Variants in PNPLA1 observed in about 807,000 individuals in gnomAD.
The protein encoded by PNPLA1 is patatin like domain 1, omega-hydroxyceramide transacylase.
A neutral mutation model predicts 51.7 loss-of-function variants in PNPLA1; 36 were observed. The ratio of observed to expected loss-of-function variants is 0.70; its 90% CI spans 0.53 to 0.92. The LOEUF (loss-of-function observed/expected upper bound fraction) is 0.92, where lower values mean the gene tolerates loss of function less well. PNPLA1 is among the 40% of genes least tolerant of loss of function. PNPLA1 has a pLI of 0.00. For synonymous variants in PNPLA1, 293 were observed against 280.1 expected (o/e 1.05, Z -0.46); for missense variants, 658 against 682.5 (o/e 0.96, Z 0.40).
At chr6:36,247,355 T>C (rs1179666676) in intron 1 of PNPLA1, among the ~76,000 whole-genome samples, 1 of 152,204 alleles carries the variant, frequency 6.6e-6, no homozygotes, top group East Asian at 1.9e-4. Context: ...TGTACTTGCT[T>C]GGCAAAACCC....
At chr6:36,262,670 C>A (rs1225923239) in intron 1 of PNPLA1, among the ~76,000 whole-genome samples, 1 of 152,192 alleles carries the variant, frequency 6.6e-6, no homozygotes, top group Non-Finnish European at 1.5e-5. Context: ...CTTCCTCTAC[C>A]TTTTAGACAT....
intron 1 of PNPLA1, among the ~76,000 whole-genome samples, chr6:36,262,819 A>G (rs1769681370): frequency 6.6e-6 from 1 of 152,232 alleles, no homozygotes; most frequent in Non-Finnish European, 1.5e-5. Flanking sequence ...AGAGAATTGC[A>G]TTATGTGGCT....
intron 8 of PNPLA1, among the ~76,000 whole-genome samples, chr6:36,311,274 G>A (rs548610187): frequency 2.0e-5 from 3 of 152,348 alleles, no homozygotes; most frequent in South Asian, 2.1e-4. Flanking sequence ...ACCTGGTGGA[G>A]GTGTGGAAGA....
At chr6:36,268,145 A>T (rs1254390960), upstream of PNPLA1, among the ~76,000 whole-genome samples, 2 of 151,814 alleles carry the variant, frequency 1.3e-5, no homozygotes, top group Non-Finnish European at 2.9e-5. Flanking sequence ...GACCTCTCCA[A>T]GCTCCTCCTC....
At chr6:36,273,197 G>A (rs531816152) in intron 1 of PNPLA1, among the ~76,000 whole-genome samples, 67 of 151,906 alleles carry the variant, frequency 4.4e-4, no homozygotes, top group African/African-American at 1.5e-3. Context: ...GTGAGATCGC[G>A]CTACTACACT....
chr6:36,251,866 G>A (rs1446359588), intron 1 of PNPLA1, among the ~76,000 whole-genome samples: 3 of 152,146 alleles, frequency 2.0e-5, no homozygotes, highest in East Asian at 3.9e-4. Context: ...GATTGCTTGG[G>A]CCCAGGAATT....
intron 1 of PNPLA1, among the ~76,000 whole-genome samples, chr6:36,244,575 C>T (rs1465279384): frequency 6.6e-6 from 1 of 152,200 alleles, no homozygotes; most frequent in African/African-American, 2.4e-5. Flanking sequence ...GTGAGCATCC[C>T]TGACCTCAGG....
At chr6:36,298,004 C>T (rs1400920479) in intron 5 of PNPLA1, among the ~76,000 whole-genome samples, 1 of 152,174 alleles carries the variant, frequency 6.6e-6, no homozygotes, top group Non-Finnish European at 1.5e-5. Context: ...TCCCAAGCAA[C>T]CCCTGATCTG....
rs372622597 is a variant in PNPLA1 at position 36,291,603 on chromosome 6, G to A, written c.438+51G>A. On this transcript the variant is annotated intron_variant, in intron 2 of 8. Transcript: ENST00000636260. Reference sequence around the variant, plus strand: ...GGACACGGAGGGGGCGGGGGAGGGCGGCTCCTGCTCTTTCTCCACAGCTCA... The same window carrying A: ...GGACACGGAGGGGGCGGGGGAGGGCAGCTCCTGCTCTTTCTCCACAGCTCA... The A allele has an allele frequency of 5.8e-5, 77 of 1,321,334 alleles. No homozygotes were observed. In the African/African-American group the frequency reaches 9.9e-4, roughly 17 times the overall value. 81.9% of individuals were successfully genotyped at this position (1,321,334 alleles called of 1,614,324 possible).
chr6:36,248,424 A>T (rs947355375), intron 1 of PNPLA1, among the ~76,000 whole-genome samples: 1 of 152,148 alleles, frequency 6.6e-6, no homozygotes, highest in African/African-American at 2.4e-5. Context: ...CACACACATT[A>T]TTAGGAAGTG....
intron 1 of PNPLA1, among the ~76,000 whole-genome samples, chr6:36,274,757 C>G (rs1255063610): frequency 6.6e-6 from 1 of 152,190 alleles, no homozygotes; most frequent in African/African-American, 2.4e-5. Flanking sequence ...TGTGTCTCAT[C>G]TACTGTATTT....
At chr6:36,250,849 A>C (rs1296255587) in intron 1 of PNPLA1, among the ~76,000 whole-genome samples, 1 of 152,082 alleles carries the variant, frequency 6.6e-6, no homozygotes, top group Non-Finnish European at 1.5e-5. Flanking sequence ...GATTACAGGC[A>C]TACGCCACCA....
intron 1 of PNPLA1, among the ~76,000 whole-genome samples, chr6:36,262,514 A>G (rs1769674250): frequency 1.3e-5 from 2 of 152,246 alleles, no homozygotes; most frequent in Admixed American, 1.3e-4. Flanking sequence ...TGTTTACTGT[A>G]ATGGAAGTAA....
In PNPLA1 at chr6:36,282,092, G is replaced by GAAAGAAAGAAAGAAAGAAAGAAA. The variant is rs59914317; in HGVS notation, c.206-9228_206-9227insAAAGAAAGAAAGAAAGAAAGAAA. Among the ~76,000 whole-genome samples, 177 of 40,612 alleles carry GAAAGAAAGAAAGAAAGAAAGAAA rather than the reference G, an allele frequency of 4.4e-3. 4 individuals are homozygous for GAAAGAAAGAAAGAAAGAAAGAAA. Among genetic ancestry groups the GAAAGAAAGAAAGAAAGAAAGAAA allele is most frequent in the East Asian group, 0.015 (22 of 1,500 alleles). The allele number at this position is 40,612 out of a possible 152,430, so 26.6% of individuals were successfully genotyped here. A position where few individuals can be genotyped will look rare whatever the true frequency, so the allele number is the denominator to read the frequency against. ...AAGAAAGAAAGAAAGAAAGAAAGAA[G>GAAAGAAAGAAAGAAAGAAAGAAA]GAAGGAAGGAAGGAAGGAAGGAAGG... is the stretch of plus-strand genomic sequence containing the variant. On this transcript the variant is annotated intron_variant, in intron 1 of 8. Transcript: ENST00000636260.
intron 1 of PNPLA1, among the ~76,000 whole-genome samples, chr6:36,261,425 G>C (rs529997504): frequency 6.6e-6 from 1 of 152,360 alleles, no homozygotes; most frequent in Admixed American, 6.5e-5. Context: ...AGCCTCTGAG[G>C]ACAGTCTGGG....
In PNPLA1 at chr6:36,302,070, T is replaced by C. The variant is rs78257597; in HGVS notation, c.985T>C (p.Ser329Pro). ...DGRGSHGPPV[S>P]QPVQTLEFTC... Reference sequence around the variant, plus strand: ...AAGGGGCAGCCATGGTCCGCCTGTGTCCCAACCTGTGCAGACACTTGAATT... The same window carrying C: ...AAGGGGCAGCCATGGTCCGCCTGTGCCCCAACCTGTGCAGACACTTGAATT... The change falls in exon 6 of 9, where the codon TCC (serine) becomes CCC (proline). Residue 329 changes from serine (S) to proline (P), a missense_variant. Coordinates refer to ENST00000636260, the MANE Select transcript of PNPLA1 (RefSeq NM_001374623.1). 2,000 of 1,614,116 alleles carry C rather than the reference T, an allele frequency of 1.2e-3. 24 individuals carry two copies. In the African/African-American group the frequency reaches 0.022, roughly 18 times the overall value.
At chr6:36,296,429 G>A (rs1354784831) in intron 5 of PNPLA1, among the ~76,000 whole-genome samples, 1 of 152,116 alleles carries the variant, frequency 6.6e-6, no homozygotes, top group African/African-American at 2.4e-5. Flanking sequence ...TTTGGCAGTT[G>A]TATAATATTC....
chr6:36,305,833 A>T (rs1160145255), intron 6 of PNPLA1, among the ~76,000 whole-genome samples: 1 of 129,106 alleles, frequency 7.7e-6, no homozygotes, highest in Admixed American at 9.9e-5. Context: ...GGCTCACTGC[A>T]CTCTCAACTT....
At chr6:36,255,247 G>A (rs1397938832) in intron 1 of PNPLA1, among the ~76,000 whole-genome samples, 1 of 152,052 alleles carries the variant, frequency 6.6e-6, no homozygotes, top group Non-Finnish European at 1.5e-5. Context: ...GCTCACGCCT[G>A]TAATCCCAGC....
Sources: allele counts gnomAD v4.1 joint callset (sites outside exome capture counted in the v4.1 genomes callset), GRCh38; gene constraint gnomAD v4.1.1; transcripts MANE v1.5; gene names NCBI Gene and HGNC (gene_info 2026-07-23, HGNC 2026-07-21).